The following PSMF1 variants were observed in gnomAD, a reference collection of about 807,000 sequenced individuals.
The protein encoded by PSMF1 is proteasome inhibitor subunit 1.
PSMF1 carries 30 observed loss-of-function variants against 29.3 expected under a neutral mutation model. The observed-to-expected ratio is 1.02, with a 90% confidence interval of 0.77 to 1.39. The LOEUF (loss-of-function observed/expected upper bound fraction) is 1.39, where lower values mean the gene tolerates loss of function less well. Ranked by LOEUF, PSMF1 falls within the 40% of genes most tolerant of loss-of-function variation. The pLI is 0.00. For missense variants in PSMF1, 344 were observed against 357.5 expected, an observed-to-expected ratio of 0.96 and a Z score of 0.31; for synonymous variants, 134 against 139.7, an observed-to-expected ratio of 0.96 and a Z score of 0.29.
chr20:1,149,297 G>A (rs146600643), intron 4 of PSMF1, among the ~76,000 whole-genome samples: 114 of 152,318 alleles, frequency 7.5e-4, no homozygotes, highest in African/African-American at 2.6e-3. Flanking sequence ...CCATACCAGT[G>A]AACTTGTTAT....
chr20:1,137,491 A>G (rs2086322237), intron 4 of PSMF1, among the ~76,000 whole-genome samples: 1 of 152,234 alleles, frequency 6.6e-6, no homozygotes, highest in African/African-American at 2.4e-5. Context: ...TCTAACTCCC[A>G]GTTTAAAAAT....
At chr20:1,133,566 TATA>T (rs1568469015) in intron 3 of PSMF1, among the ~76,000 whole-genome samples, 1 of 89,530 alleles carries the variant, frequency 1.1e-5, no homozygotes, top group Non-Finnish European at 2.3e-5. Flanking sequence ...TATATATATA[TATA>T]TTTTTTTTTT....
At position 1,166,048 on chromosome 20, in the gene PSMF1, CCCTTGAA is replaced by C; in HGVS notation, c.*974_*980del. ...AGAATGATGGTTCAAGGCCATACTTCCCTTGAACCTTGTGTGGTTCTTGCCTAACTCT... is the reference window on the plus strand; with the variant it reads ...AGAATGATGGTTCAAGGCCATACTTCCCTTGTGTGGTTCTTGCCTAACTCT... On this transcript the variant is annotated 3_prime_UTR_variant, in exon 7 of 7. Transcript: ENST00000335877. The C allele has an allele frequency of 6.8e-7, 1 of 1,476,422 alleles. No homozygotes were observed. The highest frequency in any genetic ancestry group is 9.0e-7 in the Non-Finnish European group (1 of 1,110,546). 91.5% of individuals were successfully genotyped at this position (1,476,422 alleles called of 1,614,324 possible).
At chr20:1,149,617 T>G (rs1423943671) in intron 4 of PSMF1, among the ~76,000 whole-genome samples, 1 of 152,232 alleles carries the variant, frequency 6.6e-6, no homozygotes, top group African/African-American at 2.4e-5. Context: ...TTGTCATTCT[T>G]TCAAGTAAAA....
rs1056734644 is a variant in PSMF1 at position 1,166,491 on chromosome 20, C to A, written c.*1411C>A. The stretch of plus-strand genomic sequence containing the variant: ...GGCTGTTTTCTGTAGCCTCAGATTG[C>A]CTATCTGCTTAGCCTGAGAACAGGT... On this transcript the variant is annotated 3_prime_UTR_variant, in exon 7 of 7. Transcript: ENST00000335877. 5.2e-6 allele frequency: 3 copies of A among 572,028 alleles called. No homozygotes were observed. The highest frequency in any genetic ancestry group is 3.8e-5 in the African/African-American group (2 of 53,310). The allele number at this position is 572,028 out of a possible 1,614,324, so 35.4% of individuals were successfully genotyped here.
chr20:1,116,167 A>G (rs528832883), upstream of PSMF1, among the ~76,000 whole-genome samples: 120 of 152,194 alleles, frequency 7.9e-4, no homozygotes, highest in Non-Finnish European at 1.4e-3. Flanking sequence ...ACCCTGCACT[A>G]TGGTTCATGG....
At chr20:1,113,485 C>CACACACACAG (rs2085985797) in intron 1 of PSMF1, 1 of 158,390 alleles carries the variant, frequency 6.3e-6, no homozygotes, top group African/African-American at 2.4e-5. Context: ...CACACACACA[C>CACACACACAG]ACACACACCA....
At chr20:1,115,933 A>G (rs1432768787), upstream of PSMF1, among the ~76,000 whole-genome samples, 1 of 151,378 alleles carries the variant, frequency 6.6e-6, no homozygotes, top group Non-Finnish European at 1.5e-5. Flanking sequence ...GGGTTTCACC[A>G]TGTTGGCCAG....
intron 4 of PSMF1, among the ~76,000 whole-genome samples, chr20:1,156,333 A>C (rs956897307): frequency 1.3e-5 from 2 of 152,226 alleles, no homozygotes; most frequent in Non-Finnish European, 2.9e-5. Context: ...GAGAAAGTGC[A>C]GTACAGAAGT....
intron 1 of PSMF1, 113 bp downstream of exon 1, chr20:1,119,015 C>T: frequency 1.4e-6 from 2 of 1,415,594 alleles, no homozygotes; most frequent in Non-Finnish European, 1.9e-6. Flanking sequence ...AGTGCAGGGT[C>T]TGGGGCAGAT....
At chr20:1,147,122 A>T in intron 4 of PSMF1, among the ~76,000 whole-genome samples, 1 of 150,716 alleles carries the variant, frequency 6.6e-6, no homozygotes, top group African/African-American at 2.4e-5. Flanking sequence ...TCCATTATGG[A>T]CATTGTTTCC....
rs747133151 is a variant in PSMF1 at position 1,164,388 on chromosome 20, T to C, written c.676T>C (p.Ser226Pro). The part of the protein sequence containing the change: ...GFPRALIDPS[S>P]GLPNRLPPGA... ...CCCAAGAGCACTTATTGACCCTTCCTCAGGCCTCCCGAACCGACTTCCTCC... is the reference window on the plus strand; with the variant it reads ...CCCAAGAGCACTTATTGACCCTTCCCCAGGCCTCCCGAACCGACTTCCTCC... The change falls in exon 6 of 7, where the codon TCA (serine) becomes CCA (proline). Residue 226 changes from serine to proline, a missense_variant. By Grantham distance (74) the Ser-to-Pro change is moderately conservative. Coordinates refer to ENST00000335877, the MANE Select transcript of PSMF1 (RefSeq NM_006814.5). This position sits in a 1 kb window ranked among gnomAD's most constrained non-coding sequence, Gnocchi z 4.1. The C allele has an allele frequency of 6.2e-7, 1 of 1,614,058 alleles. No individual in the cohort carries two copies. The highest frequency in any genetic ancestry group is 1.1e-5 in the South Asian group (1 of 91,082).
intron 4 of PSMF1, among the ~76,000 whole-genome samples, chr20:1,158,929 G>A (rs902431161): frequency 6.6e-6 from 1 of 152,150 alleles, no homozygotes; most frequent in Non-Finnish European, 1.5e-5. Flanking sequence ...GGTGGCGCAT[G>A]CCTGTAATCC....
Position 1,164,398 on chromosome 20 carries a change from C to G in PSMF1, c.686C>G (p.Pro229Arg), listed in dbSNP as rs774769233. 1.9e-6 allele frequency: 3 copies of G among 1,614,174 alleles called. No individual in the cohort carries two copies. The highest frequency in any genetic ancestry group is 2.5e-6 in the Non-Finnish European group (3 of 1,180,006). ...RALIDPSSGL[P>R]NRLPPGAVPP... ...CTTATTGACCCTTCCTCAGGCCTCC[C>G]GAACCGACTTCCTCCAGGCGCTGTG... is the stretch of plus-strand genomic sequence containing the variant. Residue 229 changes from proline to arginine, a missense_variant, in exon 6 of 7, where the codon CCG (proline) becomes CGG (arginine). Physicochemically the swap from Pro to Arg is moderately radical, Grantham distance 103 (BLOSUM62 -2). Coordinates refer to ENST00000335877, the MANE Select transcript of PSMF1 (RefSeq NM_006814.5). The surrounding 1 kb of genome is among the most constrained non-coding windows in gnomAD (Gnocchi z 4.1).
At chr20:1,157,134 T>G (rs1019727586) in intron 4 of PSMF1, among the ~76,000 whole-genome samples, 1 of 152,192 alleles carries the variant, frequency 6.6e-6, no homozygotes, top group Non-Finnish European at 1.5e-5. Context: ...GCTAGGCCAG[T>G]CATGTCCTTT....
At chr20:1,113,485 C>T (rs2085985744) in intron 1 of PSMF1, 1 of 158,390 alleles carries the variant, frequency 6.3e-6, no homozygotes, top group African/African-American at 2.4e-5. Flanking sequence ...CACACACACA[C>T]ACACACACCA....
chr20:1,125,416 A>G, intron 1 of PSMF1, 82 bp from the exon 2 acceptor site: 1 of 1,403,266 alleles, frequency 7.1e-7, no homozygotes, highest in Non-Finnish European at 9.5e-7. Context: ...GAGGTGGGTA[A>G]GATTAGCTTA....
chr20:1,146,179 C>A lies in PSMF1; in HGVS notation c.551+10873C>A, dbSNP rs950151364. Among the ~76,000 whole-genome samples the A allele has an allele frequency of 1.3e-5, 2 of 151,990 alleles. 1 individual carries two copies. Among genetic ancestry groups the A allele is most frequent in the Admixed American group, 1.3e-4 (2 of 15,250 alleles). ...TAGCACAGAGATACTTCATGAGTAT[C>A]CTGGGAAAGGCTACTTGGAAGTGCT... On this transcript the variant is annotated intron_variant, in intron 4 of 6. Transcript: ENST00000335877.
intron 4 of PSMF1, among the ~76,000 whole-genome samples, chr20:1,136,498 T>G (rs1345352503): frequency 6.6e-6 from 1 of 152,220 alleles, no homozygotes. Flanking sequence ...AAAACAAGTA[T>G]TCTGTGAAAT....
Sources: allele counts gnomAD v4.1 joint callset (sites outside exome capture counted in the v4.1 genomes callset), GRCh38; gene constraint gnomAD v4.1.1; non-coding constraint Gnocchi (gnomAD v3.1); transcripts MANE v1.5; gene names NCBI Gene and HGNC (gene_info 2026-07-23, HGNC 2026-07-21).